Variants in HERC2 observed in about 807,000 individuals in gnomAD.
The protein encoded by HERC2 is HECT and RLD domain containing E3 ubiquitin protein ligase 2.
In HERC2, 102 loss-of-function variants were observed where a neutral mutation model predicts 537.7. The observed-to-expected ratio is 0.19, with a 90% CI of 0.16 to 0.22. The LOEUF (loss-of-function observed/expected upper bound fraction) is 0.22, where lower values mean the gene tolerates loss of function less well. Among genes scored for constraint, HERC2 ranks in the 10% least tolerant of loss-of-function variants. The probability of loss-of-function intolerance (pLI) is 1.00; values close to 1 mark genes in which losing one functional copy is unlikely to be tolerated. For missense variants in HERC2, 4,236 were observed against 6,198.2 expected, an observed-to-expected ratio of 0.68 and a Z score of 10.63; for synonymous variants, 2,224 against 2,466.2, an observed-to-expected ratio of 0.90 and a Z score of 2.91.
chr15:28,256,395 A>G, intron 17 of HERC2, 78 bp from the exon 18 acceptor site: 1 of 955,082 alleles, frequency 1.0e-6, no homozygotes, highest in Non-Finnish European at 1.5e-6. Context: ...CACTGAATAA[A>G]AGTCAATTTC....
At chr15:28,309,930 G>T (rs1008092781) in intron 2 of HERC2, among the ~76,000 whole-genome samples, 1 of 152,190 alleles carries the variant, frequency 6.6e-6, no homozygotes, top group Non-Finnish European at 1.5e-5. Flanking sequence ...CAGGATAACT[G>T]CCATAAACAT....
At chr15:28,243,355 C>T (rs1019541547) in intron 23 of HERC2, among the ~76,000 whole-genome samples, 1 of 152,046 alleles carries the variant, frequency 6.6e-6, no homozygotes, top group African/African-American at 2.4e-5. Flanking sequence ...TTTCTTAAGG[C>T]CCAAAATGAA....
At chr15:28,194,044 A>G (rs1419446807) in intron 52 of HERC2, among the ~76,000 whole-genome samples, 4 of 151,442 alleles carry the variant, frequency 2.6e-5, no homozygotes, top group African/African-American at 7.3e-5. Flanking sequence ...CACATGCCCC[A>G]CATGTATTGT....
At chr15:28,179,898 T>C (rs1368259409) in intron 57 of HERC2, among the ~76,000 whole-genome samples, 5 of 152,250 alleles carry the variant, frequency 3.3e-5, no homozygotes, top group South Asian at 2.1e-4. Context: ...AAGCTAAGTA[T>C]TATTACAAGA....
chr15:28,245,996 CTCT>C lies in HERC2; in HGVS notation c.3459_3461del (p.Glu1154del), dbSNP rs1903673460. 6.2e-7 allele frequency: 1 copy of C among 1,614,064 alleles called. No homozygotes were observed. The highest frequency in any genetic ancestry group is 1.3e-5 in the African/African-American group (1 of 75,020). ...CACCCAGCAGAGGTACAGCTCCAGC[CTCT>C]TGCATGAGACCAGCATTTTTACTGA... On this transcript the variant is annotated inframe_deletion, in exon 23 of 93. Transcript: ENST00000261609.
intron 45 of HERC2, among the ~76,000 whole-genome samples, chr15:28,204,893 T>C (rs191284314): frequency 3.3e-5 from 5 of 152,250 alleles, no homozygotes; most frequent in African/African-American, 9.6e-5. Context: ...AGATGTATAA[T>C]AGTATTTCCA....
rs1328574737 is a variant in HERC2 at position 28,117,053 on chromosome 15, G to A, written c.13374C>T (p.Ser4458=). The A allele has an allele frequency of 1.9e-6, 3 of 1,614,074 alleles. No individual in the cohort carries two copies. Among genetic ancestry groups the A allele is most frequent in the Non-Finnish European group, 2.5e-6 (3 of 1,180,048 alleles). ...CAKMSSFGPD[S]LLLPHRVWKV... is the part of the protein sequence containing the mutation. ...TCCAGACACGGTGAGGAAGGAGGAGGCTGTCGGGACCAAACGAGCTCATCT... is the reference window on the plus strand; with the variant it reads ...TCCAGACACGGTGAGGAAGGAGGAGACTGTCGGGACCAAACGAGCTCATCT... The change falls in exon 87 of 93, where the codon AGC becomes AGT. Residue 4458 remains serine (S), a synonymous_variant. Coordinates refer to ENST00000261609, the MANE Select transcript of HERC2 (RefSeq NM_004667.6).
At position 28,116,761 on chromosome 15, in the gene HERC2, G is replaced by A; in HGVS notation, c.13513C>T (p.Pro4505Ser). ...NGLTPLLIVT[P>S]NGRDESGANR... The stretch of plus-strand genomic sequence containing the variant: ...GCCCCAGACTCATCCCTCCCGTTGG[G>A]TGTCACGATCAGCAGGGGCGTGAGT... Residue 4505 changes from proline to serine, a missense_variant, in exon 88 of 93, where the codon CCC becomes TCC. Physicochemically the swap from Pro to Ser is moderately conservative, Grantham distance 74. Around this residue, in one of 27 missense-constraint regions of HERC2, gnomAD observed 313 missense variants for 462.6 expected, o/e 0.68. Coordinates refer to ENST00000261609, the MANE Select transcript of HERC2 (RefSeq NM_004667.6). 6.2e-7 allele frequency: 1 copy of A among 1,614,044 alleles called. No individual in the cohort carries two copies.
chr15:28,293,321 A>T (rs951935047), intron 3 of HERC2, among the ~76,000 whole-genome samples: 35 of 151,860 alleles, frequency 2.3e-4, no homozygotes, highest in African/African-American at 8.2e-4. Context: ...GTGAAACCCC[A>T]TCTCTACTAA....
intron 20 of HERC2, among the ~76,000 whole-genome samples, chr15:28,252,467 C>T (rs2075116033): frequency 1.3e-5 from 2 of 152,174 alleles, no homozygotes; most frequent in Admixed American, 1.3e-4. Context: ...CTGGAAAATG[C>T]TCACTTTAAA....
In HERC2 at chr15:28,257,222, G is replaced by A; in HGVS notation, c.2356C>T (p.Leu786Phe). ...WSSCSEWSIGLRVPFVVDICS... is the reference protein window; with the variant it reads ...WSSCSEWSIGFRVPFVVDICS... The stretch of plus-strand genomic sequence containing the variant: ...ATGTCCACCACAAAAGGGACACGGA[G>A]GCCAATGGACCACTCAGAACATGAT... Residue 786 changes from leucine to phenylalanine, a missense_variant, in exon 17 of 93, where the codon CTC becomes TTC. Physicochemically the swap from Leu to Phe is conservative, Grantham distance 22. Coordinates refer to ENST00000261609, the MANE Select transcript of HERC2 (RefSeq NM_004667.6). The A allele has an allele frequency of 3.7e-6, 6 of 1,613,932 alleles. No individual in the cohort carries two copies. Among genetic ancestry groups the A allele is most frequent in the Non-Finnish European group, 5.1e-6 (6 of 1,179,856 alleles).
Position 28,231,723 on chromosome 15 carries a change from A to G in HERC2, c.4676-1223T>C, listed in dbSNP as rs1430176320. 5.3e-5 allele frequency among the ~76,000 whole-genome samples: 8 copies of G among 152,266 alleles called. No individual in the cohort carries two copies. The South Asian group carries it at 1.5e-3, about 28-fold the overall frequency. ...GCAGTAAAAAAACACAGCTGTGACT[A>G]TAACAGCTCTTCTGAGTCCTTTTAG... On this transcript the variant is annotated intron_variant, in intron 30 of 92. Coordinates refer to ENST00000261609, the MANE Select transcript of HERC2 (RefSeq NM_004667.6).
chr15:28,158,552 T>C (rs1213030736), intron 69 of HERC2, among the ~76,000 whole-genome samples: 1 of 152,212 alleles, frequency 6.6e-6, no homozygotes, highest in Non-Finnish European at 1.5e-5. Context: ...GAGACTAGGA[T>C]TGCAACTCCT....
chr15:28,255,728 C>A, intron 19 of HERC2, 144 bp downstream of exon 19: 1 of 870,026 alleles, frequency 1.1e-6, no homozygotes, highest in Non-Finnish European at 1.7e-6. Flanking sequence ...TGTAAATTGG[C>A]ACATAAAAGA....
At chr15:28,149,066 C>A (rs1282648999) in intron 70 of HERC2, among the ~76,000 whole-genome samples, 2 of 149,834 alleles carry the variant, frequency 1.3e-5, no homozygotes, top group Admixed American at 6.7e-5. Flanking sequence ...AAAAAACAAA[C>A]GAGACTCCTA....
intron 55 of HERC2, chr15:28,190,696 G>T: frequency 2.0e-6 from 1 of 506,226 alleles, no homozygotes; most frequent in South Asian, 2.9e-5. Context: ...AATGCCTGAT[G>T]AAAACTTTTG....
intron 70 of HERC2, among the ~76,000 whole-genome samples, chr15:28,150,200 C>T (rs190512230): frequency 4.3e-4 from 65 of 151,980 alleles, no homozygotes; most frequent in Non-Finnish European, 6.9e-4. Context: ...GGCTGCTAAC[C>T]GAGAACATCA....
At chr15:28,219,486 G>C (rs868750496) in intron 37 of HERC2, among the ~76,000 whole-genome samples, 2 of 152,176 alleles carry the variant, frequency 1.3e-5, no homozygotes, top group Non-Finnish European at 2.9e-5. Flanking sequence ...CCGCCCTCAG[G>C]GACAGGGTTC....
In HERC2 at chr15:28,221,974, G is replaced by A. The variant is rs2525898; in HGVS notation, c.5652+54C>T. The stretch of plus-strand genomic sequence containing the variant: ...CCACCCACCAATATCGTACAGAACT[G>A]TGCAGAAGATAACTAATGTGTGGCT... On this transcript the variant is annotated intron_variant, in intron 36 of 92. Coordinates refer to ENST00000261609, the MANE Select transcript of HERC2 (RefSeq NM_004667.6). 3.0e-4 allele frequency: 323 copies of A among 1,066,278 alleles called. 1 individual carries two copies. Among genetic ancestry groups the A allele is most frequent in the African/African-American group, 1.2e-3 (81 of 69,572 alleles). 66.1% of individuals were successfully genotyped at this position (1,066,278 alleles called of 1,614,324 possible). A position where few individuals can be genotyped will look rare whatever the true frequency, so the allele number is the denominator to read the frequency against.
Sources: allele counts gnomAD v4.1 joint callset (sites outside exome capture counted in the v4.1 genomes callset), GRCh38; gene constraint gnomAD v4.1.1; regional missense constraint gnomAD v4.1.1; transcripts MANE v1.5; gene names NCBI Gene and HGNC (gene_info 2026-07-23, HGNC 2026-07-21).